RORA: variants seen among roughly 807,000 people sequenced by gnomAD.
The protein encoded by RORA is nuclear receptor ROR-alpha.
RORA carries 7 observed loss-of-function variants against 69.5 expected under a neutral mutation model. The observed-to-expected ratio is 0.10, with a 90% confidence interval of 0.06 to 0.19. The LOEUF is 0.19. RORA is among the 10% of genes least tolerant of loss of function. The pLI, the probability that RORA is intolerant of heterozygous loss-of-function variation, is 1.00. For missense variants in RORA, 457 were observed against 663.0 expected, an observed-to-expected ratio of 0.69 and a Z score of 3.41; for synonymous variants, 261 against 240.8, an observed-to-expected ratio of 1.08 and a Z score of -0.78.
At chr15:60,804,841 T>A (rs1270091541) in intron 1 of RORA, among the ~76,000 whole-genome samples, 1 of 152,232 alleles carries the variant, frequency 6.6e-6, no homozygotes, top group Non-Finnish European at 1.5e-5. Flanking sequence ...AACTCTGTGA[T>A]AATAGCTCTT....
intron 1 of RORA, among the ~76,000 whole-genome samples, chr15:61,111,485 G>A (rs2079005940): frequency 6.6e-6 from 1 of 152,134 alleles, no homozygotes; most frequent in African/African-American, 2.4e-5. Context: ...ATTCAATACG[G>A]CTCTTGAGTG....
At chr15:61,055,763 C>T (rs2078087606) in intron 1 of RORA, among the ~76,000 whole-genome samples, 1 of 152,200 alleles carries the variant, frequency 6.6e-6, no homozygotes, top group Non-Finnish European at 1.5e-5. Context: ...AATGGCATCG[C>T]TAATGTTTAT....
At chr15:60,753,515 C>T (rs1429726046) in intron 1 of RORA, among the ~76,000 whole-genome samples, 1 of 152,226 alleles carries the variant, frequency 6.6e-6, no homozygotes, top group Non-Finnish European at 1.5e-5. Flanking sequence ...GACCTCTCCA[C>T]CCTTCATCCC....
chr15:60,570,678 A>G (rs2067853674), intron 2 of RORA, among the ~76,000 whole-genome samples: 1 of 152,150 alleles, frequency 6.6e-6, no homozygotes, highest in South Asian at 2.1e-4. Context: ...TGATTTTAAA[A>G]CAGCTATTCA....
chr15:60,830,504 G>C (rs964120544), intron 1 of RORA, among the ~76,000 whole-genome samples: 1 of 152,102 alleles, frequency 6.6e-6, no homozygotes, highest in Non-Finnish European at 1.5e-5. Flanking sequence ...ATAGCTCTTC[G>C]ATTCTTAACT....
At chr15:61,200,505 A>G (rs1243977344) in intron 1 of RORA, among the ~76,000 whole-genome samples, 1 of 152,208 alleles carries the variant, frequency 6.6e-6, no homozygotes, top group Non-Finnish European at 1.5e-5. Context: ...ACAAGACACC[A>G]AAATAGAGGC....
chr15:60,849,337 T>C (rs1161444762), intron 1 of RORA, among the ~76,000 whole-genome samples: 1 of 152,236 alleles, frequency 6.6e-6, no homozygotes, highest in Non-Finnish European at 1.5e-5. Context: ...AGTAGCTCTT[T>C]GAAACATTCA....
At position 60,494,900 on chromosome 15, in the gene RORA, T is replaced by TCTCTCTCA. The variant is rs1442353420; in HGVS notation, c.*2547_*2554dup. 3 of 152,228 alleles carry TCTCTCTCA rather than the reference T, an allele frequency of 2.0e-5. No individual in the cohort carries two copies. The highest frequency in any genetic ancestry group is 1.3e-4 in the Admixed American group (2 of 15,272). The allele number at this position is 152,228 out of a possible 1,614,324, so 9.4% of individuals were successfully genotyped here. A position where few individuals can be genotyped will look rare whatever the true frequency, so the allele number is the denominator to read the frequency against. On this transcript the variant is annotated 3_prime_UTR_variant, in exon 11 of 11. Transcript: ENST00000335670. ...TTTCTTTTTAAGTTCATCATTATGT[T>TCTCTCTCA]CTCTCTCACCCTTAGAGAAATTCAA... is the stretch of plus-strand genomic sequence containing the variant.
chr15:61,053,847 T>TTATATATATATATATATATATATA (rs1413041814), intron 1 of RORA, among the ~76,000 whole-genome samples: 3 of 3,414 alleles, frequency 8.8e-4, no homozygotes, highest in Admixed American at 4.7e-3. Context: ...TTAGACTTCA[T>TTATATATATATATATATATATATA]GATATATATA....
intron 1 of RORA, among the ~76,000 whole-genome samples, chr15:60,957,320 C>G (rs1240535223): frequency 6.6e-6 from 1 of 152,228 alleles, no homozygotes; most frequent in Non-Finnish European, 1.5e-5. Flanking sequence ...AAAATCCTCT[C>G]AGCAACCACA....
rs1168848873 is a variant in RORA, at chr15:61,129,591, TTA to T, written c.166+99460_166+99461del. Among the ~76,000 whole-genome samples, 3 of 152,270 alleles carry T rather than the reference TTA, an allele frequency of 2.0e-5. No individual in the cohort carries two copies. In the East Asian group the frequency reaches 5.8e-4, roughly 29 times the overall value. ...CTGGTACCTTTTTAAATGGTAAATT[TTA>T]TGTTATGTATAATTTGCAATAAAAA... On this transcript the variant is annotated intron_variant, in intron 1 of 10. Transcript: ENST00000335670.
At chr15:60,561,931 CA>C (rs112281659) in intron 2 of RORA, among the ~76,000 whole-genome samples, 25 of 147,114 alleles carry the variant, frequency 1.7e-4, no homozygotes, top group South Asian at 1.3e-3. Flanking sequence ...ATGGGTTTAA[CA>C]AAAAAAAAAA....
At chr15:60,937,960 C>A (rs1467515812) in intron 1 of RORA, among the ~76,000 whole-genome samples, 1 of 152,080 alleles carries the variant, frequency 6.6e-6, no homozygotes, top group Non-Finnish European at 1.5e-5. Flanking sequence ...GTGCCAGGAA[C>A]CTCATGAGGT....
chr15:60,697,723 G>A (rs945220994), intron 1 of RORA, among the ~76,000 whole-genome samples: 1 of 152,136 alleles, frequency 6.6e-6, no homozygotes, highest in Non-Finnish European at 1.5e-5. Flanking sequence ...CTGAAGAGAC[G>A]TAAATTTCTA....
intron 1 of RORA, among the ~76,000 whole-genome samples, chr15:60,837,482 A>T (rs1358191092): frequency 6.6e-6 from 1 of 152,198 alleles, no homozygotes; most frequent in Non-Finnish European, 1.5e-5. Flanking sequence ...CTCCTTGCAC[A>T]CGTCAATACA....
intron 2 of RORA, among the ~76,000 whole-genome samples, chr15:60,544,629 T>C (rs1040884029): frequency 6.6e-6 from 1 of 152,186 alleles, no homozygotes; most frequent in Non-Finnish European, 1.5e-5. Flanking sequence ...AAGTTTTTTT[T>C]CCCTTCAAAG....
intron 2 of RORA, among the ~76,000 whole-genome samples, chr15:60,584,537 T>C (rs1272045126): frequency 1.3e-5 from 2 of 152,224 alleles, no homozygotes; most frequent in African/African-American, 4.8e-5. Flanking sequence ...AGTGCATTTT[T>C]TAAATGCTGA....
At chr15:60,792,580 A>G (rs1595718479) in intron 1 of RORA, among the ~76,000 whole-genome samples, 1 of 152,234 alleles carries the variant, frequency 6.6e-6, no homozygotes, top group Non-Finnish European at 1.5e-5. Flanking sequence ...AGCAGAAACA[A>G]CAATATGAAT....
intron 1 of RORA, among the ~76,000 whole-genome samples, chr15:60,802,560 G>C (rs2140359030): frequency 6.6e-6 from 1 of 152,254 alleles, no homozygotes; most frequent in South Asian, 2.1e-4. Flanking sequence ...TGCCTTTTAA[G>C]GCATAATGTG....
Sources: allele counts gnomAD v4.1 joint callset (sites outside exome capture counted in the v4.1 genomes callset), GRCh38; gene constraint gnomAD v4.1.1; transcripts MANE v1.5; gene names NCBI Gene and HGNC (gene_info 2026-07-23, HGNC 2026-07-21).